Variants in NRXN3 observed in about 807,000 individuals in gnomAD.
NRXN3 encodes the protein neurexin 3.
NRXN3 carries 32 observed loss-of-function variants against 137.6 expected under a neutral mutation model. The observed-to-expected ratio is 0.23, with a 90% confidence interval of 0.18 to 0.31. The LOEUF is 0.31. Among genes scored for constraint, NRXN3 ranks in the 10% least tolerant of loss-of-function variants. The pLI, the probability that NRXN3 is intolerant of heterozygous loss-of-function variation, is 1.00. For missense variants in NRXN3, 1,574 were observed against 2,062.5 expected (o/e 0.76, Z 4.59); for synonymous variants, 798 against 784.5 (o/e 1.02, Z -0.29).
chr14:78,559,722 GTTC>G (rs985630241), intron 4 of NRXN3, among the ~76,000 whole-genome samples: 2 of 152,154 alleles, frequency 1.3e-5, no homozygotes, highest in African/African-American at 4.8e-5. Flanking sequence ...CATAAGTAAA[GTTC>G]TTCTGCAAGT....
chr14:78,899,714 G>C (rs1024508322), intron 10 of NRXN3, among the ~76,000 whole-genome samples: 1 of 151,822 alleles, frequency 6.6e-6, no homozygotes. Context: ...TTATATAAAT[G>C]TATTCTGCTC....
At chr14:79,151,088 A>G (rs1249653135) in intron 15 of NRXN3, among the ~76,000 whole-genome samples, 1 of 152,092 alleles carries the variant, frequency 6.6e-6, no homozygotes, top group Non-Finnish European at 1.5e-5. Flanking sequence ...CTAACAGAAG[A>G]CATGCATTTA....
chr14:78,196,259 A>C (rs759055621), intron 1 of NRXN3, among the ~76,000 whole-genome samples: 7 of 152,236 alleles, frequency 4.6e-5, no homozygotes, highest in Non-Finnish European at 8.8e-5. Flanking sequence ...CCTATTTGCC[A>C]ATGTTTGGCC....
chr14:78,629,706 T>G (rs1032807760), intron 4 of NRXN3, among the ~76,000 whole-genome samples: 2 of 152,222 alleles, frequency 1.3e-5, no homozygotes, highest in African/African-American at 2.4e-5. Flanking sequence ...TTCATGGTGG[T>G]GTACAATGAT....
chr14:79,778,792 C>T lies in NRXN3; in HGVS notation c.4015-26320C>T, dbSNP rs17109814. ...GTGATATTACTTTAGAAATGGGCCTCGAAAGACTCAGGTTACTTTTAGATT... is the reference window on the plus strand; with the variant it reads ...GTGATATTACTTTAGAAATGGGCCTTGAAAGACTCAGGTTACTTTTAGATT... On this transcript the variant is annotated intron_variant, in intron 19 of 20. Transcript: ENST00000335750. Among the ~76,000 whole-genome samples, 103 of 152,224 alleles carry T rather than the reference C, an allele frequency of 6.8e-4. 1 individual carries two copies. The East Asian group carries it at 0.016, about 24-fold the overall frequency.
intron 16 of NRXN3, among the ~76,000 whole-genome samples, chr14:79,532,261 A>G (rs564721921): frequency 2.0e-5 from 3 of 152,330 alleles, no homozygotes; most frequent in East Asian, 1.9e-4. Flanking sequence ...TATGATACCT[A>G]TCCTGACTAT....
At chr14:78,179,940 G>C (rs1005677621) in intron 1 of NRXN3, among the ~76,000 whole-genome samples, 1 of 150,980 alleles carries the variant, frequency 6.6e-6, no homozygotes. Context: ...TTGCCTCCTG[G>C]GTTCAAGGGA....
chr14:78,894,543 T>C (rs2099168028), intron 10 of NRXN3, among the ~76,000 whole-genome samples: 1 of 151,932 alleles, frequency 6.6e-6, no homozygotes, highest in Non-Finnish European at 1.5e-5. Context: ...CCTTCAGCCA[T>C]CCATGAAGAT....
chr14:79,017,391 C>T (rs548954127), intron 15 of NRXN3, among the ~76,000 whole-genome samples: 27 of 151,874 alleles, frequency 1.8e-4, no homozygotes, highest in African/African-American at 6.5e-4. Flanking sequence ...TCATCTACCC[C>T]TCCCTCATAG....
intron 1 of NRXN3, among the ~76,000 whole-genome samples, chr14:78,192,906 C>T (rs1333283882): frequency 1.3e-5 from 2 of 152,182 alleles, no homozygotes; most frequent in Non-Finnish European, 2.9e-5. Context: ...CTACCCAACG[C>T]CTTCTACCTT....
At chr14:79,658,911 C>T (rs974651570) in intron 16 of NRXN3, among the ~76,000 whole-genome samples, 2 of 152,168 alleles carry the variant, frequency 1.3e-5, no homozygotes, top group African/African-American at 2.4e-5. Flanking sequence ...TGATGCATTC[C>T]GTCTTCCCCA....
chr14:79,695,751 G>A (rs1003284885), intron 18 of NRXN3, among the ~76,000 whole-genome samples: 4 of 151,856 alleles, frequency 2.6e-5, no homozygotes, highest in Non-Finnish European at 5.9e-5. Context: ...GTGTGAAGAG[G>A]ACAGAGGACA....
intron 15 of NRXN3, among the ~76,000 whole-genome samples, chr14:79,411,279 G>A (rs564744146): frequency 2.0e-5 from 3 of 152,134 alleles, no homozygotes; most frequent in African/African-American, 4.8e-5. Context: ...AGAAAATCTG[G>A]CAACACTAAG....
chr14:79,845,744 G>A (rs2099366609), intron 20 of NRXN3, among the ~76,000 whole-genome samples: 1 of 95,366 alleles, frequency 1.0e-5, no homozygotes, highest in African/African-American at 4.5e-5. Context: ...GAGAGAGAGG[G>A]AGACGGGGAG....
In NRXN3 at chr14:78,950,762, C is replaced by G. The variant is rs1418126340; in HGVS notation, c.2276-6480C>G. 5.9e-5 allele frequency among the ~76,000 whole-genome samples: 9 copies of G among 152,176 alleles called. 1 individual carries two copies. The highest frequency in any genetic ancestry group is 5.9e-4 in the Admixed American group (9 of 15,278). ...AGTTGTGGCCTGAGGTATAAATTAA[C>G]ACTATTCTAAGAAAAATCAGGCAAG... On this transcript the variant is annotated intron_variant, in intron 10 of 20. Transcript: ENST00000335750.
chr14:79,295,427 C>A (rs917684670), intron 15 of NRXN3, among the ~76,000 whole-genome samples: 2 of 152,096 alleles, frequency 1.3e-5, no homozygotes, highest in Non-Finnish European at 2.9e-5. Context: ...AGCACTCTTT[C>A]AAATGTCTCT....
At chr14:79,769,815 A>G (rs2099070601) in intron 19 of NRXN3, among the ~76,000 whole-genome samples, 2 of 152,218 alleles carry the variant, frequency 1.3e-5, no homozygotes, top group Non-Finnish European at 2.9e-5. Context: ...TCCAATTAAA[A>G]GACACAGACT....
At chr14:78,605,988 T>C (rs2097249051) in intron 4 of NRXN3, among the ~76,000 whole-genome samples, 1 of 152,120 alleles carries the variant, frequency 6.6e-6, no homozygotes, top group Non-Finnish European at 1.5e-5. Flanking sequence ...TGACAAAATG[T>C]GTGAAGAAGG....
chr14:79,337,752 A>C (rs2092357160), intron 15 of NRXN3, among the ~76,000 whole-genome samples: 1 of 152,186 alleles, frequency 6.6e-6, no homozygotes, highest in African/African-American at 2.4e-5. Flanking sequence ...CCCAGGAATC[A>C]CTAGAGGACC....
Sources: gnomAD v4.1 joint callset for allele counts (sites outside exome capture counted in the v4.1 genomes callset) on GRCh38, gnomAD v4.1.1 for gene constraint, MANE v1.5 for transcripts, NCBI Gene and HGNC (gene_info 2026-07-23, HGNC 2026-07-21) for gene names.